The following TASP1 variants were observed in gnomAD, a reference collection of about 807,000 sequenced individuals.
The protein encoded by TASP1 is threonine aspartase 1.
TASP1 carries 16 observed loss-of-function variants against 56.6 expected under a neutral mutation model. The ratio of observed to expected loss-of-function variants is 0.28; its 90% CI spans 0.19 to 0.43. The LOEUF is 0.43. Among genes scored for constraint, TASP1 ranks in the 20% least tolerant of loss-of-function variants. TASP1 has a pLI of 1.00. For missense variants in TASP1, 393 were observed against 511.6 expected, an observed-to-expected ratio of 0.77 and a Z score of 2.24; for synonymous variants, 179 against 184.2, an observed-to-expected ratio of 0.97 and a Z score of 0.23.
the TASP1 span, among the ~76,000 whole-genome samples, chr20:13,108,660 C>T: frequency 6.6e-6 from 1 of 150,686 alleles, no homozygotes; most frequent in Non-Finnish European, 1.5e-5. Context: ...CTGCAACATC[C>T]GTCTCCTGGG....
the TASP1 span, among the ~76,000 whole-genome samples, chr20:13,321,291 TAAA>T: frequency 1.4e-5 from 1 of 72,402 alleles, no homozygotes; most frequent in Non-Finnish European, 2.9e-5. Flanking sequence ...TTATGACAAA[TAAA>T]GAAGATGCTG....
chr20:13,308,232 T>G, the TASP1 span, among the ~76,000 whole-genome samples: 1 of 152,100 alleles, frequency 6.6e-6, no homozygotes, highest in Non-Finnish European at 1.5e-5. Flanking sequence ...AATGGCCCAG[T>G]GGGGGTGTCT....
In TASP1 at chr20:13,569,484, ATTTTTT is replaced by A; in HGVS notation, c.568+17_568+22del. 6.3e-7 allele frequency: 1 copy of A among 1,596,044 alleles called. No homozygotes were observed. Among genetic ancestry groups the A allele is most frequent in the Non-Finnish European group, 8.6e-7 (1 of 1,167,992 alleles). ...TAGGTATATATGCTCATATAGCTTAATTTTTTTTAAGTTTTTACTCACTTGTGGTCA... is the reference window on the plus strand; with the variant it reads ...TAGGTATATATGCTCATATAGCTTAATTAAGTTTTTACTCACTTGTGGTCA... On this transcript the variant is annotated intron_variant, in intron 7 of 13. Coordinates refer to ENST00000337743, the MANE Select transcript of TASP1 (RefSeq NM_017714.3).
At chr20:13,633,591 C>T (rs1346827056) in intron 1 of TASP1, among the ~76,000 whole-genome samples, 1 of 152,042 alleles carries the variant, frequency 6.6e-6, no homozygotes, top group Admixed American at 6.6e-5. Context: ...TTGGTCTTTA[C>T]AGTTAAGATG....
chr20:13,363,311 A>G, the TASP1 span, among the ~76,000 whole-genome samples: 3 of 152,174 alleles, frequency 2.0e-5, no homozygotes, highest in Non-Finnish European at 4.4e-5. Context: ...TGAAGTCACC[A>G]TAAAATTCCC....
intron 4 of TASP1, among the ~76,000 whole-genome samples, chr20:13,596,138 C>T (rs1345788015): frequency 6.6e-6 from 1 of 151,942 alleles, no homozygotes; most frequent in African/African-American, 2.4e-5. Flanking sequence ...TTTGGGAGGC[C>T]GAGGAGGGCA....
chr20:13,125,500 G>T, the TASP1 span, among the ~76,000 whole-genome samples: 3 of 152,060 alleles, frequency 2.0e-5, no homozygotes, highest in Non-Finnish European at 4.4e-5. Context: ...CCCCAAATTT[G>T]GTGTCTAAAA....
intron 12 of TASP1, among the ~76,000 whole-genome samples, chr20:13,418,705 T>G (rs986152732): frequency 1.3e-5 from 2 of 152,242 alleles, no homozygotes; most frequent in African/African-American, 4.8e-5. Context: ...AAACACTTGA[T>G]GGACTCCAAC....
intron 10 of TASP1, among the ~76,000 whole-genome samples, chr20:13,494,284 A>G (rs2043643491): frequency 6.6e-6 from 1 of 152,212 alleles, no homozygotes; most frequent in African/African-American, 2.4e-5. Context: ...TAAATGGCTT[A>G]GCTTTAATAG....
the TASP1 span, among the ~76,000 whole-genome samples, chr20:13,315,485 T>C: frequency 6.6e-6 from 1 of 151,580 alleles, no homozygotes; most frequent in East Asian, 1.9e-4. Flanking sequence ...CAAGAAGACA[T>C]AACAATCCTT....
At chr20:13,176,385 T>G in the TASP1 span, among the ~76,000 whole-genome samples, 2 of 152,224 alleles carry the variant, frequency 1.3e-5, no homozygotes, top group African/African-American at 4.8e-5. Context: ...TGTTGAGGTT[T>G]CCATACCTAA....
chr20:13,416,182 AAC>A, intron 13 of TASP1, among the ~76,000 whole-genome samples: 1 of 152,344 alleles, frequency 6.6e-6, no homozygotes, highest in African/African-American at 2.4e-5. Flanking sequence ...CCTGTTGGAA[AAC>A]AGAGATATAA....
the TASP1 span, among the ~76,000 whole-genome samples, chr20:13,260,413 G>A: frequency 6.6e-6 from 1 of 152,188 alleles, no homozygotes; most frequent in East Asian, 1.9e-4. Context: ...AAAGTCGTTG[G>A]CAGGGCTTTG....
chr20:13,372,483 T>TTA, the TASP1 span, among the ~76,000 whole-genome samples: 2 of 151,704 alleles, frequency 1.3e-5, no homozygotes, highest in Non-Finnish European at 1.5e-5. Context: ...AATCCTTATT[T>TTA]TATATATATA....
At chr20:13,250,671 G>A in the TASP1 span, among the ~76,000 whole-genome samples, 1 of 152,194 alleles carries the variant, frequency 6.6e-6, no homozygotes, top group East Asian at 1.9e-4. Flanking sequence ...GCTGTGGATT[G>A]TAAGCTCCAT....
the TASP1 span, among the ~76,000 whole-genome samples, chr20:13,178,160 G>A: frequency 1.3e-5 from 2 of 152,126 alleles, no homozygotes; most frequent in Admixed American, 6.5e-5. Flanking sequence ...AAAATGCTCA[G>A]CATCACTTAT....
At chr20:13,474,448 CT>C (rs1286816016) in intron 11 of TASP1, among the ~76,000 whole-genome samples, 4 of 152,326 alleles carry the variant, frequency 2.6e-5, no homozygotes, top group Admixed American at 2.6e-4. Flanking sequence ...ATCCAAGTTT[CT>C]GTAAAAGACA....
the TASP1 span, among the ~76,000 whole-genome samples, chr20:13,296,942 C>T: frequency 5.3e-5 from 8 of 152,040 alleles, no homozygotes; most frequent in Admixed American, 1.3e-4. Flanking sequence ...TGCTTGAACC[C>T]GGGCAGCAGA....
the TASP1 span, among the ~76,000 whole-genome samples, chr20:13,183,639 A>G: frequency 6.6e-6 from 1 of 152,212 alleles, no homozygotes; most frequent in Non-Finnish European, 1.5e-5. Flanking sequence ...ATTCTCTCCA[A>G]ATTATAAACT....
Sources: gnomAD v4.1 joint callset for allele counts (sites outside exome capture counted in the v4.1 genomes callset) on GRCh38, gnomAD v4.1.1 for gene constraint, MANE v1.5 for transcripts, NCBI Gene and HGNC (gene_info 2026-07-23, HGNC 2026-07-21) for gene names.